KATNBL1: variants seen among roughly 807,000 people sequenced by gnomAD.
The protein encoded by KATNBL1 is KATNB1-like protein 1.
A neutral mutation model predicts 44.7 loss-of-function variants in KATNBL1; 28 were observed. That is an observed-to-expected ratio of 0.63 (90% confidence interval 0.46 to 0.86). KATNBL1 has a LOEUF of 0.86. Ranked by LOEUF, KATNBL1 falls within the 40% of genes least tolerant of loss-of-function variation. KATNBL1 has a pLI of 0.00. For synonymous variants in KATNBL1, 78 were observed against 114.9 expected, an observed-to-expected ratio of 0.68 and a Z score of 2.06; for missense variants, 272 against 350.7, an observed-to-expected ratio of 0.78 and a Z score of 1.79.
intron 1 of KATNBL1, among the ~76,000 whole-genome samples, chr15:34,205,082 C>T (rs1890260563): frequency 1.3e-5 from 2 of 151,954 alleles, no homozygotes; most frequent in South Asian, 4.2e-4. Context: ...CAACCTCCGC[C>T]TCCCGGGTTC....
At chr15:34,205,240 C>T (rs909630872) in intron 1 of KATNBL1, among the ~76,000 whole-genome samples, 7 of 152,118 alleles carry the variant, frequency 4.6e-5, no homozygotes, top group African/African-American at 1.2e-4. Flanking sequence ...GAACCGCCCA[C>T]GTAGGCCTCC....
At chr15:34,152,450 C>T (rs755918689) in intron 4 of KATNBL1, among the ~76,000 whole-genome samples, 9 of 152,218 alleles carry the variant, frequency 5.9e-5, no homozygotes, top group Non-Finnish European at 8.8e-5. Context: ...GATCCACCCA[C>T]CTCGGGCTCC....
intron 1 of KATNBL1, among the ~76,000 whole-genome samples, chr15:34,207,147 C>T (rs934184665): frequency 6.6e-6 from 1 of 151,704 alleles, no homozygotes; most frequent in Admixed American, 6.6e-5. Flanking sequence ...TCAAGGAATC[C>T]TCTCACCTCA....
At chr15:34,182,133 T>C (rs756777960) in intron 1 of KATNBL1, among the ~76,000 whole-genome samples, 1 of 152,004 alleles carries the variant, frequency 6.6e-6, no homozygotes, top group Non-Finnish European at 1.5e-5. Context: ...TCTGTATCCA[T>C]TGCCTATATT....
chr15:34,172,463 G>C (rs1426796413), intron 1 of KATNBL1, among the ~76,000 whole-genome samples: 2 of 151,880 alleles, frequency 1.3e-5, no homozygotes, highest in Non-Finnish European at 2.9e-5. Context: ...CACCATATTG[G>C]CCAGGCTGGT....
chr15:34,194,067 G>A (rs1342463409), intron 1 of KATNBL1, among the ~76,000 whole-genome samples: 4 of 151,634 alleles, frequency 2.6e-5, no homozygotes, highest in Admixed American at 6.6e-5. Flanking sequence ...TTGGCCTCCC[G>A]AGCAGCTGGG....
intron 1 of KATNBL1, among the ~76,000 whole-genome samples, chr15:34,204,371 T>C (rs1245950653): frequency 6.6e-6 from 1 of 152,202 alleles, no homozygotes; most frequent in African/African-American, 2.4e-5. Flanking sequence ...GATATACATA[T>C]TTAATTCTTT....
chr15:34,152,714 G>T, intron 4 of KATNBL1, 76 bp downstream of exon 4: 1 of 1,204,204 alleles, frequency 8.3e-7, no homozygotes, highest in Non-Finnish European at 1.2e-6. Flanking sequence ...TCTGCTAGTG[G>T]AATATGGCAA....
intron 4 of KATNBL1, among the ~76,000 whole-genome samples, chr15:34,149,740 GAAC>G (rs1196838221): frequency 2.6e-5 from 4 of 152,126 alleles, no homozygotes; most frequent in Admixed American, 2.6e-4. Context: ...TACTTTTAAA[GAAC>G]AACAGCATAG....
At chr15:34,183,869 G>C (rs1889635750) in intron 1 of KATNBL1, among the ~76,000 whole-genome samples, 2 of 152,298 alleles carry the variant, frequency 1.3e-5, no homozygotes, top group Admixed American at 6.5e-5. Flanking sequence ...GAGGGGAAAA[G>C]GTAGAAACTC....
At chr15:34,191,428 T>C (rs1332138291) in intron 1 of KATNBL1, among the ~76,000 whole-genome samples, 1 of 152,084 alleles carries the variant, frequency 6.6e-6, no homozygotes, top group Non-Finnish European at 1.5e-5. Flanking sequence ...TATGCTTTCA[T>C]TTCTCATGGG....
At chr15:34,172,760 G>GACAC (rs34182114) in intron 1 of KATNBL1, among the ~76,000 whole-genome samples, 17,428 of 146,368 alleles carry the variant, frequency 0.12, 1,272 homozygotes, top group Middle Eastern at 0.18. Context: ...CACAGACACA[G>GACAC]ACACACACAC....
chr15:34,147,437 G>A lies in KATNBL1; in HGVS notation c.558-7C>T. On this transcript the variant is annotated splice_region_variant and splice_polypyrimidine_tract_variant and intron_variant, in intron 5 of 9. Coordinates refer to ENST00000256544, the MANE Select transcript of KATNBL1 (RefSeq NM_024713.3). Reference sequence around the variant, plus strand: ...AACGCCAAGATCTTCTATCCTGAGAGTATAAAAAGAATAGCATTGCCTTAG... The same window carrying A: ...AACGCCAAGATCTTCTATCCTGAGAATATAAAAAGAATAGCATTGCCTTAG... 1 of 1,609,704 alleles carries A rather than the reference G, an allele frequency of 6.2e-7. No individual in the cohort carries two copies. The highest frequency in any genetic ancestry group is 8.5e-7 in the Non-Finnish European group (1 of 1,176,270).
intron 1 of KATNBL1, among the ~76,000 whole-genome samples, chr15:34,188,426 C>T (rs896818818): frequency 3.5e-4 from 53 of 151,680 alleles, no homozygotes; most frequent in Admixed American, 2.3e-3. Flanking sequence ...CATAATGGCA[C>T]ATGCCTGTAA....
chr15:34,188,987 T>TTAA (rs1468864698), intron 1 of KATNBL1, among the ~76,000 whole-genome samples: 1 of 152,230 alleles, frequency 6.6e-6, no homozygotes, highest in Non-Finnish European at 1.5e-5. Context: ...TACTGACATA[T>TTAA]TAATAATAAT....
chr15:34,186,920 C>T (rs1482555991), intron 1 of KATNBL1, among the ~76,000 whole-genome samples: 4 of 152,204 alleles, frequency 2.6e-5, no homozygotes, highest in Non-Finnish European at 5.9e-5. Context: ...AATGGGGACT[C>T]GTGGTGCCTC....
intron 1 of KATNBL1, chr15:34,199,605 C>T (rs766745979): frequency 4.6e-5 from 7 of 152,320 alleles, no homozygotes; most frequent in African/African-American, 1.4e-4. Context: ...TGGACCTTCA[C>T]GCTGTTACAG....
In KATNBL1 at chr15:34,166,343, C is replaced by T. The variant is rs944891802; in HGVS notation, c.-14-2653G>A. Among the ~76,000 whole-genome samples, 3 of 152,248 alleles carry T rather than the reference C, an allele frequency of 2.0e-5. No homozygotes were observed. The South Asian group carries it at 6.2e-4, about 32-fold the overall frequency. ...GGAGCCTTGCTTACTGCCAGCGCAG[C>T]AGTCTGAGATAGACCTGCGAAGCAG... On this transcript the variant is annotated intron_variant, in intron 1 of 9. Coordinates refer to ENST00000256544, the MANE Select transcript of KATNBL1 (RefSeq NM_024713.3).
chr15:34,166,888 G>A (rs1398989065), intron 1 of KATNBL1, among the ~76,000 whole-genome samples: 2 of 152,112 alleles, frequency 1.3e-5, no homozygotes, highest in East Asian at 3.9e-4. Flanking sequence ...AAACAGAAAG[G>A]AATAGCATCA....
Sources: allele counts gnomAD v4.1 joint callset (sites outside exome capture counted in the v4.1 genomes callset), GRCh38; gene constraint gnomAD v4.1.1; transcripts MANE v1.5; gene names NCBI Gene and HGNC (gene_info 2026-07-23, HGNC 2026-07-21).